The following MCOLN2 variants were observed in gnomAD, a reference collection of about 807,000 sequenced individuals.
The protein encoded by MCOLN2 is mucolipin TRP cation channel 2, also known as mucolipin-2.
Under a neutral mutation model 67.5 loss-of-function variants are expected in MCOLN2, and 57 were observed. That is an observed-to-expected ratio of 0.84 (90% CI 0.68 to 1.05). The LOEUF (loss-of-function observed/expected upper bound fraction) is 1.05, where lower values mean the gene tolerates loss of function less well. MCOLN2 is among the 50% of genes least tolerant of loss of function. The pLI, the probability that MCOLN2 is intolerant of heterozygous loss-of-function variation, is 0.00. For synonymous variants in MCOLN2, 246 were observed against 233.3 expected (o/e 1.05, Z -0.50); for missense variants, 620 against 678.8 (o/e 0.91, Z 0.96).
rs565320420 is a variant in MCOLN2, at chr1:84,956,565, A to G, written c.431T>C (p.Ile144Thr). 1 of 1,603,250 alleles carries G rather than the reference A, an allele frequency of 6.2e-7. No individual in the cohort carries two copies. The highest frequency in any genetic ancestry group is 1.8e-5 in the Admixed American group (1 of 56,786). Residue 144 changes from isoleucine (I) to threonine (T), a missense_variant, in exon 4 of 14, where the codon ATT (isoleucine) becomes ACT (threonine). Coordinates refer to ENST00000370608, the MANE Select transcript of MCOLN2 (RefSeq NM_153259.4). ...TCCATAACCAAGGGTCCCCAGGGTA[A>G]TGTCCTTTAGCTGATGATACTATTA... ...AINQYHQLKD[I>T]TLGTLGYGEN...
chr1:84,956,191 C>T (rs1648778815), intron 4 of MCOLN2, among the ~76,000 whole-genome samples: 3 of 152,148 alleles, frequency 2.0e-5, no homozygotes. Context: ...GAATATACCC[C>T]CAAACCAACA....
At chr1:84,973,176 C>T (rs1024120153) in intron 1 of MCOLN2, among the ~76,000 whole-genome samples, 7 of 152,278 alleles carry the variant, frequency 4.6e-5, no homozygotes, top group South Asian at 2.1e-4. Context: ...TGCCCTCACT[C>T]GGTCAGTAAC....
chr1:84,988,844 A>G (rs1403632036), intron 1 of MCOLN2, among the ~76,000 whole-genome samples: 2 of 152,014 alleles, frequency 1.3e-5, no homozygotes, highest in African/African-American at 2.4e-5. Context: ...TCACTACACA[A>G]TGACTTCCTT....
At chr1:84,981,260 A>T (rs150029023) in intron 1 of MCOLN2, among the ~76,000 whole-genome samples, 3 of 152,302 alleles carry the variant, frequency 2.0e-5, no homozygotes, top group East Asian at 3.9e-4. Context: ...TCCTCAAAAA[A>T]CTAAAAATAG....
intron 1 of MCOLN2, among the ~76,000 whole-genome samples, chr1:84,990,092 T>C (rs960068830): frequency 1.2e-4 from 18 of 151,696 alleles, no homozygotes; most frequent in African/African-American, 4.4e-4. Context: ...GTCAGGAGTT[T>C]GAGGCAAGTC....
intron 4 of MCOLN2, among the ~76,000 whole-genome samples, chr1:84,954,579 A>G (rs1648682685): frequency 1.3e-5 from 2 of 152,192 alleles, no homozygotes; most frequent in African/African-American, 2.4e-5. Context: ...AGGCCAAGAA[A>G]CTTCCTCAAG....
intron 11 of MCOLN2, among the ~76,000 whole-genome samples, chr1:84,934,599 T>G (rs1194709163): frequency 1.3e-5 from 2 of 152,186 alleles, no homozygotes; most frequent in Admixed American, 1.3e-4. Flanking sequence ...CTTTGACCCA[T>G]GGCATCAGTG....
Position 84,937,806 on chromosome 1 carries a change from A to T in MCOLN2, c.1284T>A (p.Tyr428Ter). The change falls in exon 11 of 14, where the codon TAT becomes TAA. Residue 428 changes from tyrosine (Y) to a stop codon, truncating the protein, a stop_gained. Coordinates refer to ENST00000370608, the MANE Select transcript of MCOLN2 (RefSeq NM_153259.4). LOFTEE classifies it high-confidence loss of function. The part of the protein sequence containing the change: ...LRFCACAGMI[Y>*]LGYTFCGWIV... The stretch of plus-strand genomic sequence containing the variant: ...TCCAGCCACAGAATGTGTAACCCAG[A>T]TAAATCATACCAGCACAAGCACAAA... 1 of 1,614,234 alleles carries T rather than the reference A, an allele frequency of 6.2e-7. No individual in the cohort carries two copies. Among genetic ancestry groups the T allele is most frequent in the Non-Finnish European group, 8.5e-7 (1 of 1,180,032 alleles).
intron 11 of MCOLN2, 128 bp from the exon 12 acceptor site, chr1:84,931,696 C>A: frequency 1.3e-6 from 1 of 751,938 alleles, no homozygotes; most frequent in Non-Finnish European, 2.2e-6. Flanking sequence ...TTTTAAGATG[C>A]TAGAACACCA....
At chr1:84,993,732 G>A (rs909551952) in intron 1 of MCOLN2, among the ~76,000 whole-genome samples, 1 of 148,738 alleles carries the variant, frequency 6.7e-6, no homozygotes, top group African/African-American at 2.5e-5. Context: ...CCGGGTTCAC[G>A]CCATTCTCCT....
At chr1:84,931,177 C>T (rs116456370) in intron 12 of MCOLN2, among the ~76,000 whole-genome samples, 185 bp downstream of exon 12, 1 of 152,190 alleles carries the variant, frequency 6.6e-6, no homozygotes, top group Admixed American at 6.5e-5. Context: ...CCCTCCAAAC[C>T]AATCCACCCT....
At chr1:84,952,150 C>T (rs532923721) in intron 6 of MCOLN2, 93 bp downstream of exon 6, 798 of 763,246 alleles carry the variant, frequency 1.0e-3, no homozygotes, top group Non-Finnish European at 1.5e-3. Flanking sequence ...CTGCATTTAA[C>T]ACATCTGTAG....
intron 13 of MCOLN2, among the ~76,000 whole-genome samples, chr1:84,929,277 G>A (rs999275516): frequency 5.3e-5 from 8 of 152,198 alleles, no homozygotes; most frequent in Non-Finnish European, 1.0e-4. Context: ...CCACTTAAGA[G>A]TTCAGCCTCT....
At chr1:84,965,228 G>C (rs1649317760) in intron 2 of MCOLN2, among the ~76,000 whole-genome samples, 1 of 152,170 alleles carries the variant, frequency 6.6e-6, no homozygotes, top group African/African-American at 2.4e-5. Context: ...GATTTTGGAA[G>C]TATATTTGAA....
chr1:84,959,328 G>A (rs1418147448), intron 2 of MCOLN2, among the ~76,000 whole-genome samples: 1 of 152,132 alleles, frequency 6.6e-6, no homozygotes, highest in East Asian at 1.9e-4. Flanking sequence ...CTTGTATGAT[G>A]TCAAACCCAT....
At chr1:84,979,574 A>C (rs558124209) in intron 1 of MCOLN2, among the ~76,000 whole-genome samples, 1 of 152,322 alleles carries the variant, frequency 6.6e-6, no homozygotes, top group East Asian at 1.9e-4. Flanking sequence ...AAATAAAAAC[A>C]ATATGATCAT....
intron 11 of MCOLN2, among the ~76,000 whole-genome samples, chr1:84,932,927 A>G (rs185785250): frequency 9.8e-5 from 15 of 152,376 alleles, no homozygotes; most frequent in African/African-American, 3.6e-4. Context: ...GAGATTATAC[A>G]AAGTTTGGAT....
rs1195495500 is a variant in MCOLN2, at chr1:84,931,504, G to C, written c.1400C>G (p.Ala467Gly). ...FSLVNGDDMF[A>G]TFAQIQQKSI... ...CTTCTGCTGGATTTGGGCAAAGGTT[G>C]CAAACATGTCATCACCGTTGACCAG... Residue 467 changes from alanine (A) to glycine (G), a missense_variant, in exon 12 of 14, where the codon GCA becomes GGA. Physicochemically the swap from Ala to Gly is moderately conservative, Grantham distance 60. Coordinates refer to ENST00000370608, the MANE Select transcript of MCOLN2 (RefSeq NM_153259.4). The C allele has an allele frequency of 6.2e-6, 10 of 1,614,024 alleles. No homozygotes were observed. Among genetic ancestry groups the C allele is most frequent in the Non-Finnish European group, 7.6e-6 (9 of 1,179,968 alleles).
intron 1 of MCOLN2, among the ~76,000 whole-genome samples, chr1:84,968,070 C>T (rs748070544): frequency 6.6e-6 from 1 of 152,156 alleles, no homozygotes; most frequent in African/African-American, 2.4e-5. Flanking sequence ...AGCTTCCGTT[C>T]TGTGGCCTCA....
Sources: gnomAD v4.1 joint callset for allele counts (sites outside exome capture counted in the v4.1 genomes callset) on GRCh38, gnomAD v4.1.1 for gene constraint, MANE v1.5 for transcripts, NCBI Gene and HGNC (gene_info 2026-07-23, HGNC 2026-07-21) for gene names.